The following PDE4D variants were observed in gnomAD, a reference collection of about 807,000 sequenced individuals.
The protein encoded by PDE4D is 3',5'-cyclic-AMP phosphodiesterase 4D.
In PDE4D, 24 loss-of-function variants were observed where a neutral mutation model predicts 87.4. The observed-to-expected ratio is 0.27, with a 90% CI of 0.20 to 0.39. The LOEUF (loss-of-function observed/expected upper bound fraction) is 0.39, where lower values mean the gene tolerates loss of function less well. Ranked by LOEUF, PDE4D falls within the 10% of genes least tolerant of loss-of-function variation. PDE4D has a pLI of 1.00. For synonymous variants in PDE4D, 384 were observed against 383.2 expected (o/e 1.00, Z -0.02); for missense variants, 714 against 1,041.0 (o/e 0.69, Z 4.32).
At chr5:59,836,792 A>T (rs1184262057) in intron 1 of PDE4D, among the ~76,000 whole-genome samples, 3 of 152,084 alleles carry the variant, frequency 2.0e-5, no homozygotes, top group African/African-American at 7.2e-5. Context: ...CATGAGAGAG[A>T]GAAAGAGAAA....
At chr5:60,019,386 G>T (rs988302625) in intron 2 of PDE4D, among the ~76,000 whole-genome samples, 20 of 152,156 alleles carry the variant, frequency 1.3e-4, no homozygotes, top group Non-Finnish European at 2.5e-4. Flanking sequence ...GAGTCAACCT[G>T]TCCTTTGAAG....
At chr5:59,397,820 T>A (rs1789743933) in intron 1 of PDE4D, among the ~76,000 whole-genome samples, 1 of 114,646 alleles carries the variant, frequency 8.7e-6, no homozygotes, top group African/African-American at 3.6e-5. Flanking sequence ...TCAACAAAAT[T>A]GATAGACCGC....
chr5:59,376,140 C>T (rs1784695272), intron 1 of PDE4D, among the ~76,000 whole-genome samples: 1 of 152,106 alleles, frequency 6.6e-6, no homozygotes, highest in Non-Finnish European at 1.5e-5. Context: ...ACAAGGATGC[C>T]CTCTCTCGCC....
intron 1 of PDE4D, among the ~76,000 whole-genome samples, chr5:60,400,669 C>T (rs943747608): frequency 1.2e-4 from 19 of 152,018 alleles, no homozygotes; most frequent in African/African-American, 3.6e-4. Context: ...CGATGGCTCA[C>T]GCCTGTTATC....
At chr5:60,316,597 C>T (rs1166429347) in intron 1 of PDE4D, among the ~76,000 whole-genome samples, 1 of 152,096 alleles carries the variant, frequency 6.6e-6, no homozygotes, top group Non-Finnish European at 1.5e-5. Context: ...CAGTTTTTGC[C>T]CATTCAGTAT....
chr5:60,159,845 C>T (rs1782321432), intron 2 of PDE4D, among the ~76,000 whole-genome samples: 1 of 152,152 alleles, frequency 6.6e-6, no homozygotes, highest in African/African-American at 2.4e-5. Flanking sequence ...ATGATGTTGG[C>T]TGCCATTTAA....
At position 60,400,260 on chromosome 5, in the gene PDE4D, C is replaced by T. The variant is rs770886229; in HGVS notation, c.-90+87682G>A. On this transcript the variant is annotated intron_variant, in intron 1 of 16. Coordinates refer to the PDE4D transcript ENST00000502484. ...TCTGCTATATTGAAATATAAATTCTCGCCTGTAATCCCAGCACTTTGGGAG... is the reference window on the plus strand; with the variant it reads ...TCTGCTATATTGAAATATAAATTCTTGCCTGTAATCCCAGCACTTTGGGAG... Among the ~76,000 whole-genome samples, 13 of 152,256 alleles carry T rather than the reference C, an allele frequency of 8.5e-5. No individual in the cohort carries two copies. In the East Asian group the frequency reaches 1.2e-3, roughly 14 times the overall value.
At chr5:59,389,154 C>G (rs1263694142) in intron 1 of PDE4D, among the ~76,000 whole-genome samples, 2 of 151,832 alleles carry the variant, frequency 1.3e-5, no homozygotes, top group African/African-American at 4.8e-5. Context: ...TTCAAAGCAC[C>G]CTGAGATACC....
chr5:59,980,044 T>C (rs941192868), intron 3 of PDE4D, among the ~76,000 whole-genome samples: 4 of 152,240 alleles, frequency 2.6e-5, no homozygotes, highest in Admixed American at 2.0e-4. Context: ...CTGGTCATGT[T>C]AAGTTTGAAT....
chr5:60,031,470 C>T (rs1424490607), intron 2 of PDE4D, among the ~76,000 whole-genome samples: 1 of 152,146 alleles, frequency 6.6e-6, no homozygotes, highest in East Asian at 1.9e-4. Context: ...TACAAGCATG[C>T]AGGCTGCTGC....
chr5:60,276,521 C>A (rs954824622), intron 1 of PDE4D, among the ~76,000 whole-genome samples: 2 of 152,102 alleles, frequency 1.3e-5, no homozygotes, highest in East Asian at 3.8e-4. Flanking sequence ...AGCAGCCATA[C>A]TTTAGCATTC....
chr5:60,449,790 T>C (rs1040600483), intron 1 of PDE4D, among the ~76,000 whole-genome samples: 3 of 150,656 alleles, frequency 2.0e-5, no homozygotes, highest in African/African-American at 7.3e-5. Context: ...TTTGGGTATA[T>C]ACCCAGTGAC....
Position 59,129,525 on chromosome 5 carries a change from C to T in PDE4D, c.808+51070G>A, listed in dbSNP as rs898873629. Among the ~76,000 whole-genome samples, 3 of 152,320 alleles carry T rather than the reference C, an allele frequency of 2.0e-5. No individual in the cohort carries two copies. In the East Asian group the frequency reaches 5.8e-4, roughly 29 times the overall value. On this transcript the variant is annotated intron_variant, in intron 5 of 14. Coordinates refer to ENST00000340635, the MANE Select transcript of PDE4D (RefSeq NM_001104631.2). ...TCTGCTTCATCTACTACATAGCTCT[C>T]ACCATGGTTTGTAACATTGCTTGCT... is the stretch of plus-strand genomic sequence containing the variant.
intron 2 of PDE4D, among the ~76,000 whole-genome samples, chr5:60,135,756 C>T (rs1304509333): frequency 6.6e-6 from 1 of 152,106 alleles, no homozygotes; most frequent in Non-Finnish European, 1.5e-5. Flanking sequence ...TAGAGGAGTG[C>T]ATATCCTTTC....
At chr5:59,910,581 T>C (rs1298695010) in intron 3 of PDE4D, among the ~76,000 whole-genome samples, 1 of 152,164 alleles carries the variant, frequency 6.6e-6, no homozygotes, top group African/African-American at 2.4e-5. Context: ...CTGATTCAAG[T>C]GGGAGAAAAG....
intron 1 of PDE4D, among the ~76,000 whole-genome samples, chr5:59,297,649 C>T (rs1393784543): frequency 6.6e-6 from 1 of 151,924 alleles, no homozygotes; most frequent in African/African-American, 2.4e-5. Flanking sequence ...TCCTATGTCC[C>T]CAGTACCTAG....
At chr5:59,751,330 T>G (rs1259110748) in intron 1 of PDE4D, among the ~76,000 whole-genome samples, 1 of 152,182 alleles carries the variant, frequency 6.6e-6, no homozygotes, top group East Asian at 1.9e-4. Flanking sequence ...AACAGCATTG[T>G]GTATCTATTT....
chr5:59,276,709 TA>T (rs1018342036), intron 1 of PDE4D, among the ~76,000 whole-genome samples: 4 of 151,822 alleles, frequency 2.6e-5, no homozygotes, highest in Admixed American at 6.6e-5. Context: ...TATTTTTTTT[TA>T]AAAAAAATGC....
intron 3 of PDE4D, among the ~76,000 whole-genome samples, chr5:59,938,629 C>T (rs1472570579): frequency 2.6e-5 from 4 of 152,168 alleles, no homozygotes; most frequent in Non-Finnish European, 4.4e-5. Flanking sequence ...GACACACATC[C>T]TCCACTTCAA....
Sources: allele counts gnomAD v4.1 joint callset (sites outside exome capture counted in the v4.1 genomes callset), GRCh38; gene constraint gnomAD v4.1.1; transcripts MANE v1.5; gene names NCBI Gene and HGNC (gene_info 2026-07-23, HGNC 2026-07-21).